GPR50: variants seen among roughly 807,000 people sequenced by gnomAD.
GPR50 encodes melatonin-related receptor.
Under a neutral mutation model 2.6 loss-of-function variants are expected in GPR50, and 1 was observed. The observed-to-expected ratio is 0.38, with a 90% CI of 0.13 to 1.79. The LOEUF is 1.79. GPR50 is among the 40% of genes most tolerant of loss of function. GPR50 has a pLI of 0.33. For synonymous variants in GPR50, 233 were observed against 202.3 expected, an observed-to-expected ratio of 1.15 and a Z score of -1.29; for missense variants, 535 against 522.1, an observed-to-expected ratio of 1.02 and a Z score of -0.24.
chrX:151,178,921 G>A (rs1408519411), intron 1 of GPR50, among the ~76,000 whole-genome samples: 1 of 112,383 alleles, frequency 8.9e-6, no homozygotes, highest in African/African-American at 3.2e-5. Context: ...GTAAAGTTCA[G>A]TGCCCGGCGC....
rs753929344 is a variant in GPR50, at chrX:151,180,093, G to A, written c.510G>A (p.Glu170=). 4.1e-6 allele frequency: 5 copies of A among 1,210,404 alleles called. No individual in the cohort carries two copies. Among genetic ancestry groups the A allele is most frequent in the Non-Finnish European group, 5.6e-6 (5 of 894,947 alleles). ...VLPNMYIGTI[E]YDPRTYTCIF... is the part of the protein sequence containing the mutation. Reference sequence around the variant, plus strand: ...CCAACATGTACATTGGCACCATCGAGTACGATCCTCGCACCTACACCTGCA... The same window carrying A: ...CCAACATGTACATTGGCACCATCGAATACGATCCTCGCACCTACACCTGCA... Residue 170 remains glutamate, a synonymous_variant, in exon 2 of 2, where the codon GAG becomes GAA. Transcript: ENST00000218316.
chrX:151,182,224 T>C (rs1253736797), downstream of GPR50, among the ~76,000 whole-genome samples: 1 of 112,000 alleles, frequency 8.9e-6, no homozygotes, highest in African/African-American at 3.2e-5. Flanking sequence ...ATTTACCTTT[T>C]TTAGCATTTG....
chrX:151,180,374 C>T lies in GPR50; in HGVS notation c.791C>T (p.Pro264Leu), dbSNP rs944098807. ...CTCACTGTCTTGGTGGCTGTCAGTC[C>T]GAAGGAGATGGCAGGCAAGATCCCC... ...NVLTVLVAVS[P>L]KEMAGKIPNW... The change falls in exon 2 of 2, where the codon CCG (proline) becomes CTG (leucine). Residue 264 changes from proline (P) to leucine (L), a missense_variant. Coordinates refer to ENST00000218316, the MANE Select transcript of GPR50 (RefSeq NM_004224.3). 3.3e-6 allele frequency: 4 copies of T among 1,210,792 alleles called. No homozygotes were observed. Among genetic ancestry groups the T allele is most frequent in the East Asian group, 3.0e-5 (1 of 33,822 alleles).
Position 151,181,337 on chromosome X carries a change from C to T in GPR50, c.1754C>T (p.Ala585Val). The T allele has an allele frequency of 8.3e-7, 1 of 1,201,443 alleles. No homozygotes were observed. Among genetic ancestry groups the T allele is most frequent in the Non-Finnish European group, 1.1e-6 (1 of 886,579 alleles). The change falls in exon 2 of 2, where the codon GCT becomes GTT. Residue 585 changes from alanine (A) to valine (V), a missense_variant. Physicochemically the swap from Ala to Val is moderately conservative, Grantham distance 64. Transcript: ENST00000218316. ...AGCCAGCTGGAGTCTGACACCATCG[C>T]TGACCTTCCTGACCCTACTGTAGTC... is the stretch of plus-strand genomic sequence containing the variant. ...AASQLESDTI[A>V]DLPDPTVVTT...
chrX:151,178,379 G>A (rs2048693166), intron 1 of GPR50, among the ~76,000 whole-genome samples: 1 of 112,931 alleles, frequency 8.9e-6, no homozygotes, highest in African/African-American at 3.2e-5. Flanking sequence ...TCACCCCCGC[G>A]GTGCGGTCCC....
Position 151,176,795 on chromosome X carries a change from C to G in GPR50, c.74C>G (p.Pro25Arg), listed in dbSNP as rs376483511. 1.7e-6 allele frequency: 2 copies of G among 1,202,161 alleles called. No individual in the cohort carries two copies. Among genetic ancestry groups the G allele is most frequent in the East Asian group, 3.0e-5 (1 of 33,674 alleles). Residue 25 changes from proline (P) to arginine (R), a missense_variant, in exon 1 of 2, where the codon CCG (proline) becomes CGG (arginine). By Grantham distance (103) the Pro-to-Arg change is moderately radical. Transcript: ENST00000218316. ...AAGCTACCCCAGCCAGAATACCCACCGGCTCTAATCATCTTTATGTTCTGC... is the reference window on the plus strand; with the variant it reads ...AAGCTACCCCAGCCAGAATACCCACGGGCTCTAATCATCTTTATGTTCTGC... Reference protein sequence around the residue: ...GCKLPQPEYPPALIIFMFCAM... With the variant: ...GCKLPQPEYPRALIIFMFCAM...
At chrX:151,179,257 C>G (rs957807807) in intron 1 of GPR50, among the ~76,000 whole-genome samples, 1 of 110,472 alleles carries the variant, frequency 9.1e-6, no homozygotes, top group African/African-American at 3.3e-5. Context: ...CCTCTAATGC[C>G]TTTTCTCAGA....
intron 1 of GPR50, among the ~76,000 whole-genome samples, chrX:151,179,399 G>A (rs1347092595): frequency 1.8e-5 from 2 of 110,023 alleles, no homozygotes; most frequent in African/African-American, 3.3e-5. Context: ...CATCCCTCCA[G>A]TGTCTCTCCT....
At position 151,180,379 on chromosome X, in the gene GPR50, G is replaced by A; in HGVS notation, c.796G>A (p.Glu266Lys). The change falls in exon 2 of 2, where the codon GAG (glutamate) becomes AAG (lysine). Residue 266 changes from glutamate (E) to lysine (K), a missense_variant. Glu to Lys is a moderately conservative substitution (Grantham distance 56). Transcript: ENST00000218316. Reference sequence around the variant, plus strand: ...TGTCTTGGTGGCTGTCAGTCCGAAGGAGATGGCAGGCAAGATCCCCAACTG... The same window carrying A: ...TGTCTTGGTGGCTGTCAGTCCGAAGAAGATGGCAGGCAAGATCCCCAACTG... ...LTVLVAVSPK[E>K]MAGKIPNWLY... is the part of the protein sequence containing the mutation. The A allele has an allele frequency of 8.3e-7, 1 of 1,211,049 alleles. No homozygotes were observed. The highest frequency in any genetic ancestry group is 1.1e-6 in the Non-Finnish European group (1 of 895,184).
intron 1 of GPR50, among the ~76,000 whole-genome samples, chrX:151,179,225 A>G (rs2048698079): frequency 9.0e-6 from 1 of 110,609 alleles, no homozygotes; most frequent in Admixed American, 9.6e-5. Flanking sequence ...ATCCCATCGG[A>G]AAAGACTGTT....
rs747503269 is a variant in GPR50, at chrX:151,180,645, C to T, written c.1062C>T (p.Ala354=). Reference sequence around the variant, plus strand: ...CTCGTGAACAAGACCGTGCCCATGCCTGTCCTGCTGTGGAGGAAACCCCGA... The same window carrying T: ...CTCGTGAACAAGACCGTGCCCATGCTTGTCCTGCTGTGGAGGAAACCCCGA... ...DQAREQDRAH[A]CPAVEETPMN... Residue 354 remains alanine (A), a synonymous_variant, in exon 2 of 2, where the codon GCC becomes GCT. Transcript: ENST00000218316. 1 of 1,211,468 alleles carries T rather than the reference C, an allele frequency of 8.3e-7. No homozygotes were observed. Among genetic ancestry groups the T allele is most frequent in the Non-Finnish European group, 1.1e-6 (1 of 895,245 alleles).
rs748081183 is a variant in GPR50 at position 151,180,322 on chromosome X, G to A, written c.739G>A (p.Ala247Thr). The change falls in exon 2 of 2, where the codon GCA (alanine) becomes ACA (threonine). Residue 247 changes from alanine to threonine, a missense_variant. Coordinates refer to ENST00000218316, the MANE Select transcript of GPR50 (RefSeq NM_004224.3). ...LTMFVIFLLF[A>T]VCWCPINVLT... ...CATGTTTGTGATCTTCCTCCTCTTT[G>A]CAGTGTGCTGGTGCCCTATCAACGT... 12 of 1,207,167 alleles carry A rather than the reference G, an allele frequency of 9.9e-6. No homozygotes were observed. In the South Asian group the frequency reaches 1.9e-4, roughly 20 times the overall value.
At chrX:151,178,543 C>T (rs1273844819) in intron 1 of GPR50, among the ~76,000 whole-genome samples, 1 of 112,268 alleles carries the variant, frequency 8.9e-6, no homozygotes, top group Non-Finnish European at 1.9e-5. Context: ...TAAGGCTTTG[C>T]CCCTTCTCTT....
downstream of GPR50, among the ~76,000 whole-genome samples, chrX:151,182,044 T>G (rs2124121574): frequency 8.9e-6 from 1 of 112,845 alleles, no homozygotes; most frequent in South Asian, 3.6e-4. Flanking sequence ...AAGAATACAA[T>G]TTGATAAGCT....
At position 151,179,916 on chromosome X, in the gene GPR50, T is replaced by C. The variant is rs2048701556; in HGVS notation, c.333T>C (p.Ser111=). The change falls in exon 2 of 2, where the codon AGT becomes AGC. Residue 111 remains serine, a synonymous_variant. Transcript: ENST00000218316. ...TGGTCGGGTTCATCACAGGGCTGAGTGTGGTCGGCTCCATCTTCAACATCG... is the reference window on the plus strand; with the variant it reads ...TGGTCGGGTTCATCACAGGGCTGAGCGTGGTCGGCTCCATCTTCAACATCG... ...CQMVGFITGL[S]VVGSIFNIVA... is the part of the protein sequence containing the mutation. The C allele has an allele frequency of 8.3e-7, 1 of 1,208,842 alleles. No homozygotes were observed. The highest frequency in any genetic ancestry group is 1.8e-5 in the African/African-American group (1 of 56,732).
chrX:151,179,932 T>G lies in GPR50; in HGVS notation c.349T>G (p.Phe117Val). ...AGGGCTGAGTGTGGTCGGCTCCATC[T>G]TCAACATCGTGGCAATCGCTATCAA... ...ITGLSVVGSIFNIVAIAINRY... is the reference protein window; with the variant it reads ...ITGLSVVGSIVNIVAIAINRY... Residue 117 changes from phenylalanine to valine, a missense_variant, in exon 2 of 2, where the codon TTC becomes GTC. Physicochemically the swap from Phe to Val is conservative, Grantham distance 50. Transcript: ENST00000218316. The G allele has an allele frequency of 8.3e-7, 1 of 1,211,329 alleles. No individual in the cohort carries two copies. Among genetic ancestry groups the G allele is most frequent in the South Asian group, 1.8e-5 (1 of 56,930 alleles).
chrX:151,177,714 A>C (rs942441027), intron 1 of GPR50: 1 of 111,815 alleles, frequency 8.9e-6, no homozygotes, highest in African/African-American at 3.3e-5. Context: ...GGGTGGAGGG[A>C]TAGAAGGCAG....
In GPR50 at chrX:151,180,169, C is replaced by A. The variant is rs202126801; in HGVS notation, c.586C>A (p.His196Asn). The change falls in exon 2 of 2, where the codon CAC (histidine) becomes AAC (asparagine). Residue 196 changes from histidine (H) to asparagine (N), a missense_variant. Transcript: ENST00000218316. Reference protein sequence around the residue: ...PVFTVTIVCIHFVLPLLIVGF... With the variant: ...PVFTVTIVCINFVLPLLIVGF... ...CTTCACTGTTACCATCGTCTGCATC[C>A]ACTTCGTCCTCCCTCTCCTCATCGT... is the stretch of plus-strand genomic sequence containing the variant. The A allele has an allele frequency of 1.3e-4, 153 of 1,204,723 alleles. No homozygotes were observed. In the African/African-American group the frequency reaches 2.3e-3, roughly 18 times the overall value.
chrX:151,181,602 T>C, downstream of GPR50: 2 of 423,360 alleles, frequency 4.7e-6, no homozygotes, highest in Non-Finnish European at 8.1e-6. Flanking sequence ...CTTAATGTAC[T>C]GTATTAAAGT....
Sources: allele counts gnomAD v4.1 joint callset (sites outside exome capture counted in the v4.1 genomes callset), GRCh38; gene constraint gnomAD v4.1.1; transcripts MANE v1.5; gene names NCBI Gene and HGNC (gene_info 2026-07-23, HGNC 2026-07-21).